Variants in F8 observed in about 807,000 individuals in gnomAD.
F8 encodes the protein antihemophilic factor.
Under a neutral mutation model 140.6 loss-of-function variants are expected in F8, and 12 were observed. The observed-to-expected ratio is 0.09, with a 90% CI of 0.05 to 0.14. The LOEUF (loss-of-function observed/expected upper bound fraction) is 0.14. Among genes scored for constraint, F8 ranks in the 10% least tolerant of loss-of-function variants. The pLI is 1.00. For missense variants in F8, 1,354 were observed against 1,720.7 expected (o/e 0.79, Z 3.77); for synonymous variants, 585 against 614.6 (o/e 0.95, Z 0.71).
intron 15 of F8, among the ~76,000 whole-genome samples, chrX:154,906,104 A>G (rs1300824407): frequency 8.9e-6 from 1 of 111,998 alleles, no homozygotes; most frequent in African/African-American, 3.2e-5. Context: ...AAATGGTTAC[A>G]TAAACTATGG....
intron 20 of F8, among the ~76,000 whole-genome samples, 156 bp downstream of exon 20, chrX:154,901,215 G>C (rs1182463993): frequency 8.9e-6 from 1 of 112,117 alleles, no homozygotes; most frequent in Non-Finnish European, 1.9e-5. Flanking sequence ...GATGGCCACA[G>C]TGGGAAGTGG....
At chrX:154,981,069 T>G (rs782084749) in intron 6 of F8, among the ~76,000 whole-genome samples, 1 of 111,945 alleles carries the variant, frequency 8.9e-6, no homozygotes, top group African/African-American at 3.2e-5. Flanking sequence ...TACTAATTAG[T>G]GGAGATCCAC....
intron 14 of F8, among the ~76,000 whole-genome samples, chrX:154,909,937 C>T (rs781909415): frequency 3.6e-5 from 4 of 112,050 alleles, no homozygotes; most frequent in African/African-American, 6.5e-5. Context: ...ACTGTAATAT[C>T]GAACACTACA....
intron 4 of F8, among the ~76,000 whole-genome samples, chrX:154,990,672 C>A (rs782408844): frequency 8.9e-6 from 1 of 111,767 alleles, no homozygotes; most frequent in East Asian, 2.8e-4. Flanking sequence ...AGTGCCAAAA[C>A]CACAGTGTGT....
intron 25 of F8, 66 bp downstream of exon 25, chrX:154,860,366 T>C: frequency 1.8e-6 from 2 of 1,140,735 alleles, no homozygotes; most frequent in Non-Finnish European, 2.4e-6. Context: ...TTTTATGTTA[T>C]GTTAAGCTCT....
rs1557282067 is a variant in F8 at position 154,966,674 on chromosome X, A to G, written c.1023T>C (p.Ala341=). 8.3e-7 allele frequency: 1 copy of G among 1,211,510 alleles called. No individual in the cohort carries two copies. Among genetic ancestry groups the G allele is most frequent in the Non-Finnish European group, 1.1e-6 (1 of 895,483 alleles). ...ISSHQHDGME[A]YVKVDSCPEE... ...CTGGACAGCTGTCTACTTTGACATA[A>G]GCTTCCATGCCATCTGGAGTCAGAC... The change falls in exon 8 of 26, where the codon GCT becomes GCC. Residue 341 remains alanine (A), a synonymous_variant. Coordinates refer to ENST00000360256, the MANE Select transcript of F8 (RefSeq NM_000132.4).
Position 154,896,134 on chromosome X carries a change from A to G in F8, c.6372T>C (p.Tyr2124=). 5.0e-6 allele frequency: 6 copies of G among 1,209,904 alleles called. No individual in the cohort carries two copies. Among genetic ancestry groups the G allele is most frequent in the Non-Finnish European group, 6.7e-6 (6 of 894,021 alleles). The change falls in exon 22 of 26, where the codon TAT becomes TAC. Residue 2124 remains tyrosine, a synonymous_variant. Transcript: ENST00000360256. ...SLYISQFIIM[Y]SLDGKKWQTY... ...TCTGCCACTTCTTCCCATCAAGACT[A>G]TACATGATGATAAACTGAGAGATGT... is the stretch of plus-strand genomic sequence containing the variant.
chrX:154,945,291 C>T (rs1209809086), intron 13 of F8, among the ~76,000 whole-genome samples: 2 of 111,458 alleles, frequency 1.8e-5, no homozygotes, highest in African/African-American at 6.5e-5. Context: ...GACAAAGACA[C>T]ACACATACAC....
At chrX:154,848,774 G>T (rs1253366301) in intron 25 of F8, among the ~76,000 whole-genome samples, 1 of 110,781 alleles carries the variant, frequency 9.0e-6, no homozygotes, top group Non-Finnish European at 1.9e-5. Context: ...GCTCATGCTC[G>T]GTGGGCTGCA....
At chrX:154,863,371 A>T in intron 22 of F8, 144 bp from the exon 23 acceptor site, 1 of 542,036 alleles carries the variant, frequency 1.8e-6, no homozygotes, top group Non-Finnish European at 3.2e-6. Context: ...GGTTAGATGG[A>T]TGTTACGATG....
At chrX:155,002,905 C>G in intron 1 of F8, among the ~76,000 whole-genome samples, 1 of 112,029 alleles carries the variant, frequency 8.9e-6, no homozygotes. Context: ...GAGGCAGTAT[C>G]TCTTTGTAGT....
At position 154,953,927 on chromosome X, in the gene F8, T is replaced by A. The variant is rs1557280941; in HGVS notation, c.1868A>T (p.Glu623Val). ...FLPNPAGVQL[E>V]DPEFQASNIM... Reference sequence around the variant, plus strand: ...GTTGGAGGCTTGGAACTCTGGATCCTCAAGCTGCACTCCAGCTGGATTGGG... The same window carrying A: ...GTTGGAGGCTTGGAACTCTGGATCCACAAGCTGCACTCCAGCTGGATTGGG... The change falls in exon 12 of 26, where the codon GAG (glutamate) becomes GTG (valine). Residue 623 changes from glutamate (E) to valine (V), a missense_variant. Glu to Val is a moderately radical substitution (Grantham distance 121, BLOSUM62 -2). Transcript: ENST00000360256. The A allele has an allele frequency of 8.3e-7, 1 of 1,212,035 alleles. No homozygotes were observed. The highest frequency in any genetic ancestry group is 2.2e-5 in the Admixed American group (1 of 46,060).
chrX:154,848,392 G>A (rs782252798), intron 25 of F8, among the ~76,000 whole-genome samples: 121 of 112,954 alleles, frequency 1.1e-3, no homozygotes, highest in African/African-American at 1.9e-3. Context: ...AAGGTGGAGC[G>A]TACAGAGGCA....
chrX:154,946,991 C>T (rs782459682), intron 13 of F8, among the ~76,000 whole-genome samples: 95 of 108,805 alleles, frequency 8.7e-4, no homozygotes, highest in East Asian at 3.5e-3. Flanking sequence ...TTTGGGAGGC[C>T]GAGGCGGGTG....
chrX:154,940,810 T>G (rs79017290), intron 13 of F8, among the ~76,000 whole-genome samples: 1 of 112,149 alleles, frequency 8.9e-6, no homozygotes, highest in Admixed American at 9.5e-5. Context: ...GACTAACAGC[T>G]GATCTTTCGG....
At chrX:154,939,131 C>T (rs2073241060) in intron 13 of F8, among the ~76,000 whole-genome samples, 1 of 111,134 alleles carries the variant, frequency 9.0e-6, no homozygotes, top group African/African-American at 3.3e-5. Flanking sequence ...AACTGAGGTA[C>T]CGGGTTCATC....
chrX:154,952,836 C>T (rs1417858673), intron 12 of F8, among the ~76,000 whole-genome samples: 1 of 112,032 alleles, frequency 8.9e-6, no homozygotes, highest in Non-Finnish European at 1.9e-5. Context: ...GCCACTGTGC[C>T]CGGCCTGTTC....
intron 4 of F8, among the ~76,000 whole-genome samples, chrX:154,992,262 C>T (rs2073592110): frequency 9.0e-6 from 1 of 111,429 alleles, no homozygotes; most frequent in African/African-American, 3.3e-5. Context: ...TTGTTTTAAG[C>T]CACTAAATTG....
At chrX:154,988,584 T>G (rs2073571437) in intron 4 of F8, among the ~76,000 whole-genome samples, 1 of 112,148 alleles carries the variant, frequency 8.9e-6, no homozygotes, top group South Asian at 3.7e-4. Flanking sequence ...CTTGTGATCA[T>G]TGGTTGATTA....
Sources: allele counts gnomAD v4.1 joint callset (sites outside exome capture counted in the v4.1 genomes callset), GRCh38; gene constraint gnomAD v4.1.1; transcripts MANE v1.5; gene names NCBI Gene and HGNC (gene_info 2026-07-23, HGNC 2026-07-21).